Variants in DYM observed in about 807,000 individuals in gnomAD.
DYM encodes dymeclin, also known as dyggve-Melchior-Clausen syndrome protein.
In DYM, 78 loss-of-function variants were observed where a neutral mutation model predicts 93.1. That is an observed-to-expected ratio of 0.84 (90% CI 0.70 to 1.01). DYM has a LOEUF of 1.01. Ranked by LOEUF, DYM falls within the 50% of genes least tolerant of loss-of-function variation. The pLI is 0.00. For missense variants in DYM, 789 were observed against 845.0 expected (o/e 0.93, Z 0.82); for synonymous variants, 321 against 319.7 (o/e 1.00, Z -0.04).
chr18:49,273,616 T>C (rs530185643), intron 10 of DYM, among the ~76,000 whole-genome samples: 2 of 152,264 alleles, frequency 1.3e-5, no homozygotes, highest in East Asian at 1.9e-4. Context: ...CCTGCAGTAT[T>C]TAGTACGGTA....
chr18:49,359,024 C>T (rs1357335727), intron 6 of DYM, among the ~76,000 whole-genome samples: 1 of 152,218 alleles, frequency 6.6e-6, no homozygotes, highest in East Asian at 1.9e-4. Context: ...TCCCACAAGT[C>T]TCATTCAGCC....
At chr18:49,049,671 G>C (rs534009369) in intron 17 of DYM, 1 of 154,428 alleles carries the variant, frequency 6.5e-6, no homozygotes, top group East Asian at 1.9e-4. Context: ...TATAAGGGAT[G>C]CTCTTATAAT....
intron 8 of DYM, among the ~76,000 whole-genome samples, chr18:49,331,526 T>C (rs568185754): frequency 1.8e-4 from 28 of 152,332 alleles, no homozygotes; most frequent in Non-Finnish European, 3.4e-4. Context: ...CTAAAATAGA[T>C]TTCCTCTTAT....
chr18:49,285,929 A>C (rs1041742012), intron 9 of DYM, among the ~76,000 whole-genome samples: 8 of 152,234 alleles, frequency 5.3e-5, no homozygotes, highest in African/African-American at 1.7e-4. Flanking sequence ...TTGTTTACAT[A>C]GTACCTATGG....
intron 16 of DYM, among the ~76,000 whole-genome samples, chr18:49,104,205 T>C (rs1260807515): frequency 6.6e-6 from 1 of 152,142 alleles, no homozygotes; most frequent in African/African-American, 2.4e-5. Context: ...ATGATTTGGC[T>C]CTCTGTTTGT....
At chr18:49,088,949 A>C (rs2078804059) in intron 17 of DYM, among the ~76,000 whole-genome samples, 1 of 152,124 alleles carries the variant, frequency 6.6e-6, no homozygotes, top group African/African-American at 2.4e-5. Flanking sequence ...GCACCACCAC[A>C]CCTGGCTAAT....
At chr18:49,275,577 G>C (rs2094829536) in intron 10 of DYM, among the ~76,000 whole-genome samples, 1 of 152,094 alleles carries the variant, frequency 6.6e-6, no homozygotes, top group Admixed American at 6.6e-5. Flanking sequence ...TCTTAACAAT[G>C]TGAAGTACTG....
chr18:49,109,053 G>T (rs183842617), intron 16 of DYM, among the ~76,000 whole-genome samples: 2 of 149,880 alleles, frequency 1.3e-5, no homozygotes, highest in Non-Finnish European at 3.0e-5. Context: ...TAATGCTTAC[G>T]TAGTAAAAGT....
chr18:49,137,097 T>C (rs998856473), intron 15 of DYM, among the ~76,000 whole-genome samples: 1 of 152,198 alleles, frequency 6.6e-6, no homozygotes, highest in Admixed American at 6.5e-5. Context: ...CTTGTAACAT[T>C]TGCATAGGAC....
At chr18:49,328,592 A>G (rs1235543424) in intron 8 of DYM, among the ~76,000 whole-genome samples, 2 of 152,220 alleles carry the variant, frequency 1.3e-5, no homozygotes, top group Non-Finnish European at 2.9e-5. Context: ...TACAAGAAAA[A>G]AAATCAAACA....
rs988299484 is a variant in DYM at position 49,158,801 on chromosome 18, A to G, written c.1728+4884T>C. ...GGGGATGATTAAGGAGTAAAAAAATATAGTTGGATAGAATCAAGAAGATCT... is the reference window on the plus strand; with the variant it reads ...GGGGATGATTAAGGAGTAAAAAAATGTAGTTGGATAGAATCAAGAAGATCT... On this transcript the variant is annotated intron_variant, in intron 15 of 17. Coordinates refer to ENST00000675505, the MANE Select transcript of DYM (RefSeq NM_001353214.3). Among the ~76,000 whole-genome samples the G allele has an allele frequency of 6.6e-5, 10 of 152,324 alleles. No homozygotes were observed. In the East Asian group the frequency reaches 1.3e-3, roughly 21 times the overall value.
At chr18:49,423,815 T>C (rs1023502375) in intron 2 of DYM, among the ~76,000 whole-genome samples, 2 of 152,204 alleles carry the variant, frequency 1.3e-5, no homozygotes, top group Non-Finnish European at 2.9e-5. Flanking sequence ...GATAAATTCC[T>C]GGACACATAC....
At chr18:49,290,537 G>A (rs1385730557) in intron 8 of DYM, among the ~76,000 whole-genome samples, 1 of 151,888 alleles carries the variant, frequency 6.6e-6, no homozygotes, top group Non-Finnish European at 1.5e-5. Context: ...AAAAATAAAT[G>A]TAAAAGAATA....
intron 8 of DYM, among the ~76,000 whole-genome samples, chr18:49,289,757 A>T (rs1260525118): frequency 2.7e-5 from 1 of 37,216 alleles, no homozygotes; most frequent in Non-Finnish European, 5.3e-5. Context: ...ATATATATAT[A>T]TATATATATA....
chr18:49,315,182 T>G (rs539141592), intron 8 of DYM, among the ~76,000 whole-genome samples: 1 of 150,154 alleles, frequency 6.7e-6, no homozygotes, highest in South Asian at 2.1e-4. Context: ...ATTACTGCAC[T>G]CCAGCCTGGG....
intron 3 of DYM, among the ~76,000 whole-genome samples, chr18:49,382,271 C>T (rs1409746881): frequency 6.6e-6 from 1 of 152,090 alleles, no homozygotes; most frequent in African/African-American, 2.4e-5. Context: ...CTCATATGTG[C>T]CCACACTGTT....
At chr18:49,181,294 A>G (rs185291638) in intron 14 of DYM, among the ~76,000 whole-genome samples, 1 of 152,342 alleles carries the variant, frequency 6.6e-6, no homozygotes, top group Admixed American at 6.5e-5. Context: ...ACTCAGAACT[A>G]TATTTATATG....
intron 13 of DYM, among the ~76,000 whole-genome samples, chr18:49,247,533 A>G (rs1205139023): frequency 6.6e-6 from 1 of 152,228 alleles, no homozygotes; most frequent in African/African-American, 2.4e-5. Context: ...TACCTCTGTA[A>G]CATGATGGTG....
intron 16 of DYM, among the ~76,000 whole-genome samples, chr18:49,109,640 A>C (rs1355756304): frequency 6.6e-6 from 1 of 152,224 alleles, no homozygotes; most frequent in Non-Finnish European, 1.5e-5. Context: ...CTGCATTACC[A>C]CACTGGCTCC....
Sources: gnomAD v4.1 joint callset for allele counts (sites outside exome capture counted in the v4.1 genomes callset) on GRCh38, gnomAD v4.1.1 for gene constraint, MANE v1.5 for transcripts, NCBI Gene and HGNC (gene_info 2026-07-23, HGNC 2026-07-21) for gene names.